Variants in LRATD1 observed in about 807,000 individuals in gnomAD.
The protein encoded by LRATD1 is LRAT domain containing 1.
In LRATD1, 8 loss-of-function variants were observed where a neutral mutation model predicts 21.3. The observed-to-expected ratio is 0.38, with a 90% confidence interval of 0.22 to 0.68. The LOEUF (loss-of-function observed/expected upper bound fraction) is 0.68, where lower values mean the gene tolerates loss of function less well. LRATD1 is among the 30% of genes least tolerant of loss of function. The probability of loss-of-function intolerance (pLI) is 0.54; values close to 1 mark genes in which losing one functional copy is unlikely to be tolerated. For synonymous variants in LRATD1, 210 were observed against 186.2 expected (o/e 1.13, Z -1.04); for missense variants, 380 against 404.0 (o/e 0.94, Z 0.51).
In LRATD1 at chr2:14,646,756, A is replaced by G. The variant is rs185096276; in HGVS notation, n.436+291A>G. ...GGCCAGGCACTAATCTGGATGAAGGACCTATTTACACATGTAAAGATCCCT... is the reference window on the plus strand; with the variant it reads ...GGCCAGGCACTAATCTGGATGAAGGGCCTATTTACACATGTAAAGATCCCT... On this transcript the variant is annotated intron_variant and non_coding_transcript_variant, in intron 4 of 5. Transcript: ENST00000464947. 4.2e-3 allele frequency among the ~76,000 whole-genome samples: 635 copies of G among 152,254 alleles called. 10 individuals are homozygous for G. The highest frequency in any genetic ancestry group is 0.029 in the Admixed American group (448 of 15,278).
At chr2:14,647,298 G>T (rs1217908863) in intron 4 of LRATD1, among the ~76,000 whole-genome samples, 2 of 152,112 alleles carry the variant, frequency 1.3e-5, no homozygotes, top group African/African-American at 4.8e-5. Flanking sequence ...AATCTTTGGA[G>T]AGAATGGGTC....
Position 14,633,737 on chromosome 2 carries a change from G to A in LRATD1, c.-36-207G>A. On this transcript the variant is annotated intron_variant, in intron 1 of 1. Transcript: ENST00000295092. This position sits in a 1 kb window ranked among gnomAD's most constrained non-coding sequence, Gnocchi z 7.5. ...CCCGGAAGGGGTCGGAGGCTGTGTG[G>A]TGGCGTCTGCTCTCGCCTGACCTGT... The A allele has an allele frequency of 3.7e-6, 2 of 544,696 alleles. No homozygotes were observed. Among genetic ancestry groups the A allele is most frequent in the South Asian group, 2.8e-5 (1 of 36,290 alleles). 33.7% of individuals were successfully genotyped at this position (544,696 alleles called of 1,614,324 possible). A position where few individuals can be genotyped will look rare whatever the true frequency, so the allele number is the denominator to read the frequency against.
rs897431493 is a variant in LRATD1 at position 14,638,322 on chromosome 2, A to G, written c.*3464A>G. 8 of 166,726 alleles carry G rather than the reference A, an allele frequency of 4.8e-5. No homozygotes were observed. Among genetic ancestry groups the G allele is most frequent in the African/African-American group, 1.9e-4 (8 of 41,354 alleles). The allele number at this position is 166,726 out of a possible 1,614,324, so 10.3% of individuals were successfully genotyped here. ...ATATTTAATAATGTAAGCTGTTGTC[A>G]TGACAGTATTTTTTAAAAATAATAA... On this transcript the variant is annotated 3_prime_UTR_variant, in exon 2 of 2. Coordinates refer to ENST00000295092, the MANE Select transcript of LRATD1 (RefSeq NM_145175.4).
chr2:14,641,717 G>A (rs1671807984), downstream of LRATD1, among the ~76,000 whole-genome samples: 1 of 152,108 alleles, frequency 6.6e-6, no homozygotes, highest in Non-Finnish European at 1.5e-5. Flanking sequence ...CTTATACTTG[G>A]GTCGCACAGG....
downstream of LRATD1, among the ~76,000 whole-genome samples, chr2:14,642,269 A>G (rs1671820270): frequency 6.6e-6 from 1 of 152,162 alleles, no homozygotes; most frequent in Admixed American, 6.5e-5. Context: ...GTGATGGGAG[A>G]TTAGCTATAC....
intron 4 of LRATD1, among the ~76,000 whole-genome samples, chr2:14,648,591 T>A (rs1671935024): frequency 6.6e-6 from 1 of 152,192 alleles, no homozygotes; most frequent in South Asian, 2.1e-4. Flanking sequence ...TAACACATCC[T>A]GTAACCTTTG....
rs1671662961 is a variant in LRATD1 at position 14,635,334 on chromosome 2, T to A, written c.*476T>A. 2.1e-6 allele frequency: 1 copy of A among 478,618 alleles called. No homozygotes were observed. The allele number at this position is 478,618 out of a possible 1,614,324, so 29.6% of individuals were successfully genotyped here. On this transcript the variant is annotated 3_prime_UTR_variant, in exon 2 of 2. Transcript: ENST00000295092. ...TACAGGGCACAGTTCAGCTCCTCTG[T>A]GGATGCGTCCCCAGATCGCAGGATT...
downstream of LRATD1, among the ~76,000 whole-genome samples, chr2:14,640,829 G>A (rs186763008): frequency 6.9e-4 from 105 of 152,170 alleles, no homozygotes; most frequent in Admixed American, 2.4e-3. Context: ...AACAGCACAC[G>A]CACTTTATTT....
chr2:14,634,996 G>T lies in LRATD1; in HGVS notation c.*138G>T. The T allele has an allele frequency of 8.4e-7, 1 of 1,197,532 alleles. No individual in the cohort carries two copies. The allele number at this position is 1,197,532 out of a possible 1,614,324, so 74.2% of individuals were successfully genotyped here. On this transcript the variant is annotated 3_prime_UTR_variant, in exon 2 of 2. Transcript: ENST00000295092. Reference sequence around the variant, plus strand: ...CGTCCGCCGCCGGTGGCCCGGGCCCGGGCTGCACCCCCGCATCCCCAAGCC... The same window carrying T: ...CGTCCGCCGCCGGTGGCCCGGGCCCTGGCTGCACCCCCGCATCCCCAAGCC...
Position 14,633,783 on chromosome 2 carries a change from T to C in LRATD1, c.-36-161T>C. 1.4e-6 allele frequency: 1 copy of C among 689,740 alleles called. No individual in the cohort carries two copies. Among genetic ancestry groups the C allele is most frequent in the South Asian group, 2.0e-5 (1 of 49,394 alleles). 42.7% of individuals were successfully genotyped at this position (689,740 alleles called of 1,614,324 possible). A position where few individuals can be genotyped will look rare whatever the true frequency, so the allele number is the denominator to read the frequency against. On this transcript the variant is annotated intron_variant, in intron 1 of 1. Coordinates refer to ENST00000295092, the MANE Select transcript of LRATD1 (RefSeq NM_145175.4). The surrounding 1 kb of genome is among the most constrained non-coding windows in gnomAD (Gnocchi z 7.5). The stretch of plus-strand genomic sequence containing the variant: ...CCTGTGGCGGCTTCTCCGCCCCTCG[T>C]ACCCCTGGGGAGGCACGGAGGACTC...
intron 4 of LRATD1, among the ~76,000 whole-genome samples, chr2:14,647,677 CAATCTGTAACTATTAAA>C (rs967164502): frequency 4.0e-4 from 61 of 152,170 alleles, no homozygotes; most frequent in African/African-American, 1.5e-3. Flanking sequence ...GAGAATATAG[CAATCTGTAACTATTAAA>C]AGGGCCCTCA....
In LRATD1 at chr2:14,635,045, GC is replaced by G; in HGVS notation, c.*191del. The G allele has an allele frequency of 1.1e-6, 1 of 891,098 alleles. No individual in the cohort carries two copies. Among genetic ancestry groups the G allele is most frequent in the Non-Finnish European group, 1.8e-6 (1 of 552,874 alleles). 55.2% of individuals were successfully genotyped at this position (891,098 alleles called of 1,614,324 possible). On this transcript the variant is annotated 3_prime_UTR_variant, in exon 2 of 2. Transcript: ENST00000295092. The stretch of plus-strand genomic sequence containing the variant: ...CCAGCGGCAGGAAGTCTCAGGAACT[GC>G]CCCAGGGCCGAAAGGGCGCCGCTGC...
At position 14,639,235 on chromosome 2, in the gene LRATD1, C is replaced by T. The variant is rs1000215319; in HGVS notation, c.*4377C>T. The T allele has an allele frequency of 1.2e-5, 2 of 166,894 alleles. No individual in the cohort carries two copies. The highest frequency in any genetic ancestry group is 4.2e-4 in the South Asian group (2 of 4,808). 10.3% of individuals were successfully genotyped at this position (166,894 alleles called of 1,614,324 possible). On this transcript the variant is annotated 3_prime_UTR_variant, in exon 2 of 2. Coordinates refer to ENST00000295092, the MANE Select transcript of LRATD1 (RefSeq NM_145175.4). ...GCACAGCAAGCAGCTATGTCTAAAG[C>T]TAACAATAAAAAGAAAATGTGGGAG...
downstream of LRATD1, among the ~76,000 whole-genome samples, chr2:14,651,841 A>G (rs57596488): frequency 0.057 from 8,605 of 152,062 alleles, 796 homozygotes; most frequent in African/African-American, 0.2. Context: ...AGATTGATTC[A>G]TAGATTTCTT....
chr2:14,641,052 T>C (rs758791739), downstream of LRATD1, among the ~76,000 whole-genome samples: 19 of 152,224 alleles, frequency 1.2e-4, no homozygotes, highest in Non-Finnish European at 2.6e-4. Flanking sequence ...TACTAAAACT[T>C]ATCTGTTTAT....
At position 14,636,642 on chromosome 2, in the gene LRATD1, T is replaced by C. The variant is rs1335277089; in HGVS notation, c.*1784T>C. 1 of 167,172 alleles carries C rather than the reference T, an allele frequency of 6.0e-6. No homozygotes were observed. The highest frequency in any genetic ancestry group is 1.5e-5 in the Non-Finnish European group (1 of 68,140). The allele number at this position is 167,172 out of a possible 1,614,324, so 10.4% of individuals were successfully genotyped here. On this transcript the variant is annotated 3_prime_UTR_variant, in exon 2 of 2. Coordinates refer to ENST00000295092, the MANE Select transcript of LRATD1 (RefSeq NM_145175.4). ...GTGCTAGACACTTAAATAGCATCTA[T>C]GTCTCTTTCAAGGGAATTTGTCAAA...
chr2:14,640,712 T>C (rs1171204228), downstream of LRATD1, among the ~76,000 whole-genome samples: 1 of 152,186 alleles, frequency 6.6e-6, no homozygotes, highest in Non-Finnish European at 1.5e-5. Context: ...ACATACCAGC[T>C]CTTTGCTCAC....
At position 14,634,698 on chromosome 2, in the gene LRATD1, A is replaced by C. The variant is rs775440654; in HGVS notation, c.719A>C (p.Gln240Pro). ...GEVPAGTQPP[Q>P]QQYYLKVHLG... is the part of the protein sequence containing the mutation. ...GTGCCGGCAGGCACGCAGCCCCCGC[A>C]GCAGCAGTACTATCTCAAGGTGCAC... The change falls in exon 2 of 2, where the codon CAG becomes CCG. Residue 240 changes from glutamine (Q) to proline (P), a missense_variant. Transcript: ENST00000295092. 1.9e-6 allele frequency: 3 copies of C among 1,551,022 alleles called. No individual in the cohort carries two copies. Among genetic ancestry groups the C allele is most frequent in the Non-Finnish European group, 2.6e-6 (3 of 1,147,152 alleles).
Position 14,637,735 on chromosome 2 carries a change from TAAC to T in LRATD1, c.*2880_*2882del, listed in dbSNP as rs1176802459. 1 of 167,100 alleles carries T rather than the reference TAAC, an allele frequency of 6.0e-6. No homozygotes were observed. Among genetic ancestry groups the T allele is most frequent in the African/African-American group, 2.4e-5 (1 of 41,462 alleles). 10.4% of individuals were successfully genotyped at this position (167,100 alleles called of 1,614,324 possible). A position where few individuals can be genotyped will look rare whatever the true frequency, so the allele number is the denominator to read the frequency against. On this transcript the variant is annotated 3_prime_UTR_variant, in exon 2 of 2. Coordinates refer to ENST00000295092, the MANE Select transcript of LRATD1 (RefSeq NM_145175.4). ...AAGGTGTATACTTTTAGGGCACTGTTAACAATGCGAGTGAAACCAAGATGGTGC... is the reference window on the plus strand; with the variant it reads ...AAGGTGTATACTTTTAGGGCACTGTTAATGCGAGTGAAACCAAGATGGTGC...
Sources: allele counts gnomAD v4.1 joint callset (sites outside exome capture counted in the v4.1 genomes callset), GRCh38; gene constraint gnomAD v4.1.1; non-coding constraint Gnocchi (gnomAD v3.1); transcripts MANE v1.5; gene names NCBI Gene and HGNC (gene_info 2026-07-23, HGNC 2026-07-21).